ASIC2: variants seen among roughly 807,000 people sequenced by gnomAD.
The protein encoded by ASIC2 is acid-sensing ion channel 2.
A neutral mutation model predicts 57.3 loss-of-function variants in ASIC2; 25 were observed. The observed-to-expected ratio is 0.44, with a 90% CI of 0.32 to 0.61. The LOEUF (loss-of-function observed/expected upper bound fraction) is 0.61. Ranked by LOEUF, ASIC2 falls within the 20% of genes least tolerant of loss-of-function variation. The pLI is 0.06. For synonymous variants in ASIC2, 319 were observed against 307.5 expected (o/e 1.04, Z -0.39); for missense variants, 641 against 738.1 (o/e 0.87, Z 1.52).
intron 1 of ASIC2, among the ~76,000 whole-genome samples, chr17:33,858,159 T>C (rs2141921682): frequency 6.6e-6 from 1 of 152,324 alleles, no homozygotes; most frequent in East Asian, 1.9e-4. Context: ...CACCCCAGCC[T>C]CTACCCTGTT....
intron 1 of ASIC2, among the ~76,000 whole-genome samples, chr17:33,860,492 A>G (rs1172095115): frequency 6.6e-6 from 1 of 152,108 alleles, no homozygotes; most frequent in Non-Finnish European, 1.5e-5. Flanking sequence ...TGGAACAATA[A>G]CTTTTCTGGT....
chr17:33,878,576 G>T (rs188122874), intron 1 of ASIC2, among the ~76,000 whole-genome samples: 2 of 152,290 alleles, frequency 1.3e-5, no homozygotes, highest in African/African-American at 4.8e-5. Context: ...AAAAAGAAAT[G>T]AACGAAGCCT....
chr17:33,804,558 C>T (rs149441197), intron 1 of ASIC2, among the ~76,000 whole-genome samples: 38 of 152,310 alleles, frequency 2.5e-4, no homozygotes, highest in African/African-American at 8.9e-4. Flanking sequence ...TTTGCTGGTG[C>T]TGGGTGCTGG....
intron 1 of ASIC2, among the ~76,000 whole-genome samples, chr17:33,451,066 T>TC (rs1276621631): frequency 6.6e-6 from 1 of 151,448 alleles, no homozygotes; most frequent in African/African-American, 2.4e-5. Context: ...TGTACTTTTT[T>TC]TTTTTTCTGA....
chr17:34,026,930 T>C (rs1056216715), intron 1 of ASIC2, among the ~76,000 whole-genome samples: 43 of 152,058 alleles, frequency 2.8e-4, no homozygotes, highest in Admixed American at 2.6e-3. Flanking sequence ...TTTCTATTGA[T>C]TTTTTCTCAT....
chr17:33,495,012 A>C (rs1913882689), intron 1 of ASIC2, among the ~76,000 whole-genome samples: 1 of 152,170 alleles, frequency 6.6e-6, no homozygotes, highest in South Asian at 2.1e-4. Context: ...CATCAGAACC[A>C]CCTGCAAAGA....
chr17:33,233,083 G>A (rs911264226), intron 1 of ASIC2, among the ~76,000 whole-genome samples: 1 of 152,068 alleles, frequency 6.6e-6, no homozygotes, highest in Admixed American at 6.6e-5. Flanking sequence ...TGGAGACCAC[G>A]TGGAAACTGA....
chr17:33,198,209 T>G (rs1341476194), intron 1 of ASIC2, among the ~76,000 whole-genome samples: 1 of 152,084 alleles, frequency 6.6e-6, no homozygotes, highest in Non-Finnish European at 1.5e-5. Flanking sequence ...AAAAATTAGC[T>G]GGGCATAGGG....
chr17:33,961,066 C>T (rs541177431), intron 1 of ASIC2, among the ~76,000 whole-genome samples: 24 of 152,228 alleles, frequency 1.6e-4, no homozygotes, highest in South Asian at 8.3e-4. Flanking sequence ...AGATGATCAA[C>T]GCCCAGGCCA....
intron 1 of ASIC2, among the ~76,000 whole-genome samples, chr17:33,640,937 C>T (rs1906543158): frequency 6.6e-6 from 1 of 152,306 alleles, no homozygotes; most frequent in East Asian, 1.9e-4. Context: ...AAGACACTTG[C>T]ACTTGAGTCC....
At chr17:34,039,818 T>C in intron 1 of ASIC2, 12 of 1,609,090 alleles carry the variant, frequency 7.5e-6, no homozygotes, top group South Asian at 1.1e-5. Context: ...CCAGTAAACC[T>C]GGCCTCCAAT....
At chr17:33,788,358 C>A (rs1911666965) in intron 1 of ASIC2, among the ~76,000 whole-genome samples, 1 of 152,014 alleles carries the variant, frequency 6.6e-6, no homozygotes, top group Non-Finnish European at 1.5e-5. Context: ...AATGAGATAC[C>A]ATCTCATGCC....
chr17:34,112,261 T>C (rs1824929714), intron 1 of ASIC2, among the ~76,000 whole-genome samples: 1 of 152,026 alleles, frequency 6.6e-6, no homozygotes, highest in African/African-American at 2.4e-5. Flanking sequence ...AGTGATAATA[T>C]TTACCTCATA....
At chr17:33,264,318 C>A (rs992382706) in intron 1 of ASIC2, among the ~76,000 whole-genome samples, 6 of 152,242 alleles carry the variant, frequency 3.9e-5, no homozygotes, top group Admixed American at 3.9e-4. Context: ...ATCAAGCACT[C>A]ACTATGTGCA....
At chr17:34,021,035 G>C (rs1907139524) in intron 1 of ASIC2, among the ~76,000 whole-genome samples, 1 of 152,026 alleles carries the variant, frequency 6.6e-6, no homozygotes, top group African/African-American at 2.4e-5. Flanking sequence ...TTCCTCACCA[G>C]TATCAAGACT....
chr17:33,892,171 A>G (rs1390893846), intron 1 of ASIC2, among the ~76,000 whole-genome samples: 1 of 152,240 alleles, frequency 6.6e-6, no homozygotes, highest in African/African-American at 2.4e-5. Flanking sequence ...TGAGAAATAG[A>G]CAATGAACAA....
chr17:33,145,264 G>A (rs1376149599), intron 1 of ASIC2, among the ~76,000 whole-genome samples: 1 of 152,172 alleles, frequency 6.6e-6, no homozygotes, highest in Admixed American at 6.5e-5. Flanking sequence ...TGGCATCAGG[G>A]GACATTGATG....
At chr17:33,660,416 A>G (rs983049518) in intron 1 of ASIC2, among the ~76,000 whole-genome samples, 3 of 151,802 alleles carry the variant, frequency 2.0e-5, no homozygotes, top group African/African-American at 7.3e-5. Flanking sequence ...GTAGGAAAAT[A>G]TTTTCTTTAT....
chr17:33,876,573 G>A (rs922509434), intron 1 of ASIC2, among the ~76,000 whole-genome samples: 1 of 152,188 alleles, frequency 6.6e-6, no homozygotes, highest in Admixed American at 6.5e-5. Context: ...TCTGTGAGGA[G>A]TATAATTACT....
Sources: allele counts gnomAD v4.1 joint callset (sites outside exome capture counted in the v4.1 genomes callset), GRCh38; gene constraint gnomAD v4.1.1; transcripts MANE v1.5; gene names NCBI Gene and HGNC (gene_info 2026-07-23, HGNC 2026-07-21).